POU2F3: variants seen among roughly 807,000 people sequenced by gnomAD.
POU2F3 encodes the protein POU class 2 homeobox 3.
Under a neutral mutation model 59.2 loss-of-function variants are expected in POU2F3, and 23 were observed. The ratio of observed to expected loss-of-function variants is 0.39; its 90% confidence interval spans 0.28 to 0.55. The LOEUF is 0.55. POU2F3 is among the 20% of genes least tolerant of loss of function. The probability of loss-of-function intolerance (pLI) is 0.66; values close to 1 mark genes in which losing one functional copy is unlikely to be tolerated. For synonymous variants in POU2F3, 190 were observed against 214.6 expected (o/e 0.89, Z 1.00); for missense variants, 473 against 544.5 (o/e 0.87, Z 1.31).
intron 8 of POU2F3, among the ~76,000 whole-genome samples, chr11:120,306,611 T>TCCCC (rs35692386): frequency 2.7e-5 from 4 of 150,758 alleles, no homozygotes; most frequent in African/African-American, 9.8e-5. Context: ...TGATGCAGAG[T>TCCCC]CCCCCCCGGT....
At chr11:120,274,903 A>G (rs1314747880) in intron 3 of POU2F3, among the ~76,000 whole-genome samples, 1 of 152,180 alleles carries the variant, frequency 6.6e-6, no homozygotes, top group African/African-American at 2.4e-5. Context: ...CAAAGGAGAG[A>G]TGTTCATGAA....
rs150799415 is a variant in POU2F3 at position 120,280,860 on chromosome 11, G to A, written c.132+11616G>A. Among the ~76,000 whole-genome samples the A allele has an allele frequency of 2.7e-3, 409 of 152,260 alleles. 1 individual carries two copies. Among genetic ancestry groups the A allele is most frequent in the African/African-American group, 9.4e-3 (390 of 41,534 alleles). On this transcript the variant is annotated intron_variant, in intron 3 of 12. Transcript: ENST00000543440. ...AGGGTTGCCAGGTAAAGGGTGGGGT[G>A]GAGAAGTGTTCCCACCCAAAGAGGG...
chr11:120,311,216 T>C (rs1279081502), intron 10 of POU2F3, among the ~76,000 whole-genome samples: 10 of 152,250 alleles, frequency 6.6e-5, no homozygotes, highest in Admixed American at 2.0e-4. Flanking sequence ...AACTGAAGGT[T>C]TGGGGGAATC....
At chr11:120,271,047 ACAGT>A (rs1457070613) in intron 3 of POU2F3, among the ~76,000 whole-genome samples, 2 of 152,184 alleles carry the variant, frequency 1.3e-5, no homozygotes, top group African/African-American at 4.8e-5. Context: ...TACATTCTTC[ACAGT>A]CAGAGAGAAG....
intron 1 of POU2F3, among the ~76,000 whole-genome samples, chr11:120,241,421 G>A (rs148518922): frequency 6.6e-6 from 1 of 152,318 alleles, no homozygotes; most frequent in East Asian, 1.9e-4. Flanking sequence ...AGTGCCCGGA[G>A]GGAGGGGACC....
chr11:120,310,007 C>T (rs554137379), intron 10 of POU2F3, among the ~76,000 whole-genome samples: 1 of 152,294 alleles, frequency 6.6e-6, no homozygotes, highest in African/African-American at 2.4e-5. Context: ...GCAGAGCGCC[C>T]AAGATCTTGG....
chr11:120,296,428 G>A (rs571417516), intron 3 of POU2F3, among the ~76,000 whole-genome samples: 4 of 152,172 alleles, frequency 2.6e-5, no homozygotes, highest in African/African-American at 9.6e-5. Flanking sequence ...TTAAGTTCAG[G>A]GGTACATGTC....
chr11:120,280,115 G>A (rs544076294), intron 3 of POU2F3, among the ~76,000 whole-genome samples: 1 of 152,148 alleles, frequency 6.6e-6, no homozygotes, highest in Non-Finnish European at 1.5e-5. Flanking sequence ...CTAAAAGCAG[G>A]GCCAGGCCTT....
chr11:120,266,344 C>T (rs1321730942), intron 2 of POU2F3, among the ~76,000 whole-genome samples: 3 of 152,158 alleles, frequency 2.0e-5, no homozygotes, highest in Non-Finnish European at 2.9e-5. Flanking sequence ...CAGCCCGCTG[C>T]CCTCCCACTT....
At chr11:120,294,061 A>G (rs1053076644) in intron 3 of POU2F3, among the ~76,000 whole-genome samples, 1 of 152,136 alleles carries the variant, frequency 6.6e-6, no homozygotes, top group Non-Finnish European at 1.5e-5. Flanking sequence ...CCAAGGAGGG[A>G]TGCAGAAAGG....
chr11:120,288,011 C>A (rs1352109925), intron 3 of POU2F3, among the ~76,000 whole-genome samples: 2 of 143,338 alleles, frequency 1.4e-5, no homozygotes, highest in African/African-American at 5.2e-5. Context: ...TAGAAGCAAG[C>A]ATACCAACAG....
chr11:120,256,304 C>A (rs368287415), intron 2 of POU2F3: 2 of 152,170 alleles, frequency 1.3e-5, no homozygotes, highest in African/African-American at 4.8e-5. Flanking sequence ...TAGTCCCTAC[C>A]TCATAGTGCT....
upstream of POU2F3, chr11:120,236,644 C>T (rs115204245): frequency 6.7e-5 from 99 of 1,475,268 alleles, no homozygotes; most frequent in African/African-American, 3.9e-4. Flanking sequence ...CTCTATCTCA[C>T]TCCAGCCCAG....
intron 3 of POU2F3, among the ~76,000 whole-genome samples, chr11:120,297,832 G>A (rs12279552): frequency 0.081 from 12,274 of 151,826 alleles, 1,608 homozygotes; most frequent in African/African-American, 0.27. Flanking sequence ...GTGCAGTGGC[G>A]TGATCATAGC....
rs544466975 is a variant in POU2F3 at position 120,257,210 on chromosome 11, G to T, written c.97+10693G>T. On this transcript the variant is annotated intron_variant, in intron 2 of 12. Transcript: ENST00000543440. The stretch of plus-strand genomic sequence containing the variant: ...CCCTATTTTCCTATTTTATAGGGGA[G>T]GAGACTGGGGTCAGAGAAGGGGGAT... Among the ~76,000 whole-genome samples the T allele has an allele frequency of 2.0e-5, 3 of 152,312 alleles. No individual in the cohort carries two copies. In the East Asian group the frequency reaches 5.8e-4, roughly 29 times the overall value.
chr11:120,303,293 GC>G (rs769256448), intron 6 of POU2F3: 7 of 152,210 alleles, frequency 4.6e-5, no homozygotes, highest in African/African-American at 7.2e-5. Context: ...ATAGCCATGG[GC>G]TTACAGCTGG....
rs183060955 is a variant in POU2F3, at chr11:120,286,164, C to T, written c.133-12101C>T. Reference sequence around the variant, plus strand: ...CCTACCAGAGGGCTGGGATTACAGGCGTGAGCCACTGCACCTGGCTTGTTC... The same window carrying T: ...CCTACCAGAGGGCTGGGATTACAGGTGTGAGCCACTGCACCTGGCTTGTTC... On this transcript the variant is annotated intron_variant, in intron 3 of 12. Transcript: ENST00000543440. Among the ~76,000 whole-genome samples the T allele has an allele frequency of 1.5e-3, 225 of 152,288 alleles. 1 individual carries two copies. Among genetic ancestry groups the T allele is most frequent in the Middle Eastern group, 6.8e-3 (2 of 294 alleles).
chr11:120,241,119 C>A (rs1457769474), intron 1 of POU2F3, among the ~76,000 whole-genome samples: 2 of 152,190 alleles, frequency 1.3e-5, no homozygotes, highest in Non-Finnish European at 2.9e-5. Context: ...GCCAGGCAGC[C>A]AGGTTGGGCT....
At chr11:120,294,628 G>C (rs965217129) in intron 3 of POU2F3, among the ~76,000 whole-genome samples, 16 of 152,192 alleles carry the variant, frequency 1.1e-4, no homozygotes, top group African/African-American at 3.9e-4. Flanking sequence ...GCTGTAAAAA[G>C]GGATTTTTGT....
Sources: gnomAD v4.1 joint callset for allele counts (sites outside exome capture counted in the v4.1 genomes callset) on GRCh38, gnomAD v4.1.1 for gene constraint, MANE v1.5 for transcripts, NCBI Gene and HGNC (gene_info 2026-07-23, HGNC 2026-07-21) for gene names.